The following RBMS3 variants were observed in gnomAD, a reference collection of about 807,000 sequenced individuals.
RBMS3 encodes RNA-binding motif, single-stranded-interacting protein 3.
A neutral mutation model predicts 66.8 loss-of-function variants in RBMS3; 27 were observed. That is an observed-to-expected ratio of 0.40 (90% CI 0.30 to 0.56). The LOEUF (loss-of-function observed/expected upper bound fraction) is 0.56, where lower values mean the gene tolerates loss of function less well. RBMS3 is among the 20% of genes least tolerant of loss of function. RBMS3 has a pLI of 0.40. For synonymous variants in RBMS3, 188 were observed against 183.0 expected, an observed-to-expected ratio of 1.03 and a Z score of -0.22; for missense variants, 513 against 549.5, an observed-to-expected ratio of 0.93 and a Z score of 0.66.
chr3:29,398,196 C>G (rs1367899834), intron 1 of RBMS3, among the ~76,000 whole-genome samples: 2 of 152,132 alleles, frequency 1.3e-5, no homozygotes, highest in African/African-American at 2.4e-5. Flanking sequence ...TCAGAGGACA[C>G]TTGAGAGGTG....
At chr3:29,621,516 G>A (rs940100895) in intron 4 of RBMS3, among the ~76,000 whole-genome samples, 1 of 152,134 alleles carries the variant, frequency 6.6e-6, no homozygotes, top group African/African-American at 2.4e-5. Context: ...GTAAAAGATG[G>A]TTGTTATATC....
At chr3:29,599,672 A>G (rs988438542) in intron 4 of RBMS3, among the ~76,000 whole-genome samples, 3 of 152,094 alleles carry the variant, frequency 2.0e-5, no homozygotes, top group African/African-American at 7.2e-5. Flanking sequence ...AAAAATGTAC[A>G]AACATTCATG....
intron 1 of RBMS3, among the ~76,000 whole-genome samples, chr3:29,340,207 AAAC>A (rs1161984907): frequency 2.6e-5 from 4 of 152,154 alleles, no homozygotes; most frequent in Non-Finnish European, 5.9e-5. Context: ...CTTCTGGTTA[AAAC>A]AACAACAACA....
At chr3:29,545,234 G>T (rs1053619041) in intron 3 of RBMS3, among the ~76,000 whole-genome samples, 5 of 152,024 alleles carry the variant, frequency 3.3e-5, no homozygotes, top group Non-Finnish European at 5.9e-5. Flanking sequence ...TAATTGGAAA[G>T]AAATAAGCTA....
chr3:29,336,920 T>C (rs1377373779), intron 1 of RBMS3, among the ~76,000 whole-genome samples: 1 of 152,164 alleles, frequency 6.6e-6, no homozygotes, highest in Non-Finnish European at 1.5e-5. Context: ...CCATGTACCT[T>C]CTCCTATTTC....
At chr3:29,386,857 T>C (rs946703305) in intron 1 of RBMS3, among the ~76,000 whole-genome samples, 33 of 152,220 alleles carry the variant, frequency 2.2e-4, no homozygotes, top group African/African-American at 6.8e-4. Flanking sequence ...AAATGATTTT[T>C]GTCAACGTCA....
intron 4 of RBMS3, among the ~76,000 whole-genome samples, chr3:29,594,019 A>G (rs2047859079): frequency 6.6e-6 from 1 of 152,214 alleles, no homozygotes; most frequent in African/African-American, 2.4e-5. Flanking sequence ...ATCACGTGAC[A>G]TTTGAACATG....
intron 2 of RBMS3, among the ~76,000 whole-genome samples, chr3:29,452,601 C>T (rs544912328): frequency 1.3e-5 from 2 of 152,116 alleles, no homozygotes; most frequent in African/African-American, 2.4e-5. Context: ...AGAATTGAAA[C>T]CAGTCCAGGA....
At chr3:29,832,539 G>A (rs540563680) in intron 6 of RBMS3, among the ~76,000 whole-genome samples, 9 of 152,170 alleles carry the variant, frequency 5.9e-5, no homozygotes, top group South Asian at 2.1e-4. Context: ...CCCCTTTACC[G>A]GGCATAGCTC....
intron 12 of RBMS3, among the ~76,000 whole-genome samples, chr3:29,977,103 C>T (rs183394382): frequency 4.1e-4 from 63 of 152,100 alleles, no homozygotes; most frequent in African/African-American, 9.6e-4. Context: ...ATTGACTTTC[C>T]GGGTTTGATG....
chr3:29,284,862 C>CTTT (rs773078453), intron 1 of RBMS3, among the ~76,000 whole-genome samples: 2,269 of 112,690 alleles, frequency 0.02, 75 homozygotes, highest in Middle Eastern at 0.039. Flanking sequence ...ATGAATTTTT[C>CTTT]TTTTTTTTTT....
intron 2 of RBMS3, among the ~76,000 whole-genome samples, chr3:29,478,297 G>A (rs1254482918): frequency 6.6e-6 from 1 of 152,186 alleles, no homozygotes; most frequent in Non-Finnish European, 1.5e-5. Flanking sequence ...CAGTGCTGGA[G>A]GCTGAGAAGT....
chr3:29,860,170 C>A (rs895470649), intron 6 of RBMS3, among the ~76,000 whole-genome samples: 1 of 152,140 alleles, frequency 6.6e-6, no homozygotes, highest in Non-Finnish European at 1.5e-5. Context: ...TAAACTACTT[C>A]TGTCTGCATT....
chr3:29,310,042 T>A (rs540381926), intron 1 of RBMS3, among the ~76,000 whole-genome samples: 2 of 151,664 alleles, frequency 1.3e-5, no homozygotes, highest in East Asian at 3.9e-4. Context: ...CAGTGAAGAA[T>A]AGGAGATGTG....
chr3:29,572,412 A>G (rs985882367), intron 3 of RBMS3, among the ~76,000 whole-genome samples: 1 of 152,050 alleles, frequency 6.6e-6, no homozygotes, highest in African/African-American at 2.4e-5. Flanking sequence ...TCTGTCACAT[A>G]TGGCTTTTAT....
At chr3:29,977,412 T>C (rs1387381079) in intron 12 of RBMS3, among the ~76,000 whole-genome samples, 2 of 152,138 alleles carry the variant, frequency 1.3e-5, no homozygotes, top group Non-Finnish European at 2.9e-5. Context: ...GAACTAATAA[T>C]TTGGGGTTTT....
chr3:29,713,990 G>A (rs1421337417), intron 4 of RBMS3, among the ~76,000 whole-genome samples: 2 of 152,162 alleles, frequency 1.3e-5, no homozygotes, highest in Non-Finnish European at 2.9e-5. Context: ...GGGAAGCAAA[G>A]GTTGCAGTGA....
intron 1 of RBMS3, among the ~76,000 whole-genome samples, chr3:29,387,135 A>G (rs923442734): frequency 6.6e-6 from 1 of 152,144 alleles, no homozygotes; most frequent in Non-Finnish European, 1.5e-5. Context: ...TTTAAGGAGC[A>G]TATATAAATT....
At chr3:29,739,540 G>T (rs1014268561) in intron 4 of RBMS3, among the ~76,000 whole-genome samples, 180 bp from the exon 5 acceptor site, 2 of 150,818 alleles carry the variant, frequency 1.3e-5, no homozygotes, top group African/African-American at 4.9e-5. Flanking sequence ...TGATCATTTT[G>T]TCTATGATAA....
Sources: allele counts gnomAD v4.1 joint callset (sites outside exome capture counted in the v4.1 genomes callset), GRCh38; gene constraint gnomAD v4.1.1; transcripts MANE v1.5; gene names NCBI Gene and HGNC (gene_info 2026-07-23, HGNC 2026-07-21).